Variants in TM9SF2 observed in about 807,000 individuals in gnomAD.
The protein encoded by TM9SF2 is transmembrane 9 superfamily member 2, also known as 76 kDa membrane protein.
TM9SF2 carries 13 observed loss-of-function variants against 84.9 expected under a neutral mutation model. The observed-to-expected ratio is 0.15, with a 90% CI of 0.10 to 0.24. TM9SF2 has a LOEUF of 0.24. Among genes scored for constraint, TM9SF2 ranks in the 10% least tolerant of loss-of-function variants. The probability of loss-of-function intolerance (pLI) is 1.00; values close to 1 mark genes in which losing one functional copy is unlikely to be tolerated. For synonymous variants in TM9SF2, 273 were observed against 285.8 expected (o/e 0.96, Z 0.45); for missense variants, 562 against 818.5 (o/e 0.69, Z 3.82).
intron 10 of TM9SF2, among the ~76,000 whole-genome samples, chr13:99,544,299 C>T (rs1196136723): frequency 6.0e-5 from 9 of 150,850 alleles, no homozygotes; most frequent in South Asian, 2.1e-4. Flanking sequence ...ACTGAGATTG[C>T]GCCACTGCAC....
intron 9 of TM9SF2, 51 bp downstream of exon 9, chr13:99,541,718 T>C: frequency 7.9e-7 from 1 of 1,258,852 alleles, no homozygotes; most frequent in Non-Finnish European, 1.1e-6. Context: ...TGTTTATTGT[T>C]ATTTTGCAAA....
rs922035291 is a variant in TM9SF2, at chr13:99,507,595, G to A, written c.171+5818G>A. Among the ~76,000 whole-genome samples the A allele has an allele frequency of 1.7e-4, 26 of 152,174 alleles. No homozygotes were observed. The East Asian group carries it at 2.9e-3, about 17-fold the overall frequency. On this transcript the variant is annotated intron_variant, in intron 1 of 16. Coordinates refer to ENST00000376387, the MANE Select transcript of TM9SF2 (RefSeq NM_004800.3). ...GATCAGTTGCTGGGCATTGCTGATC[G>A]GATAACTCAGAGCTCATAAATAAGC...
intron 1 of TM9SF2, among the ~76,000 whole-genome samples, chr13:99,515,661 T>C (rs561010926): frequency 2.0e-5 from 3 of 152,346 alleles, no homozygotes; most frequent in Admixed American, 6.5e-5. Context: ...TAGCATTTCA[T>C]GTGTCAGGCA....
chr13:99,504,715 T>C (rs756832597), intron 1 of TM9SF2, among the ~76,000 whole-genome samples: 1 of 152,238 alleles, frequency 6.6e-6, no homozygotes, highest in Admixed American at 6.5e-5. Context: ...TAACTTCTGA[T>C]TAATTTTCTT....
chr13:99,508,443 A>ACACACACACACACACACC (rs1311954976), intron 1 of TM9SF2, among the ~76,000 whole-genome samples: 182 of 147,530 alleles, frequency 1.2e-3, no homozygotes, highest in Non-Finnish European at 2.0e-3. Flanking sequence ...ACACACACAC[A>ACACACACACACACACACC]CCCCAGAGAT....
At chr13:99,540,213 G>A (rs1202703879) in intron 7 of TM9SF2, among the ~76,000 whole-genome samples, 1 of 151,808 alleles carries the variant, frequency 6.6e-6, no homozygotes, top group Non-Finnish European at 1.5e-5. Flanking sequence ...TAAAACTTTT[G>A]GCAATCCAAT....
At chr13:99,515,524 C>A (rs141575144) in intron 1 of TM9SF2, among the ~76,000 whole-genome samples, 3 of 152,170 alleles carry the variant, frequency 2.0e-5, no homozygotes, top group Admixed American at 1.3e-4. Flanking sequence ...ATGCTGTTGT[C>A]GGTATTACAT....
At position 99,541,542 on chromosome 13, in the gene TM9SF2, T is replaced by C. The variant is rs779717107; in HGVS notation, c.909-17T>C. 30 of 1,562,858 alleles carry C rather than the reference T, an allele frequency of 1.9e-5. No homozygotes were observed. The East Asian group carries it at 6.3e-4, about 33-fold the overall frequency. On this transcript the variant is annotated splice_polypyrimidine_tract_variant and intron_variant, in intron 8 of 16. Transcript: ENST00000376387. Reference sequence around the variant, plus strand: ...GGATTAAGCTACAGATTACTCATGATGTGCTTATTTCTACAGCATTATGAA... The same window carrying C: ...GGATTAAGCTACAGATTACTCATGACGTGCTTATTTCTACAGCATTATGAA...
chr13:99,504,535 T>G (rs930170629), intron 1 of TM9SF2, among the ~76,000 whole-genome samples: 4 of 152,234 alleles, frequency 2.6e-5, no homozygotes, highest in Non-Finnish European at 4.4e-5. Context: ...TAGAGTGTTT[T>G]TATGTACTGT....
intron 13 of TM9SF2, 56 bp downstream of exon 13, chr13:99,552,382 A>T (rs1170696779): frequency 3.0e-5 from 45 of 1,524,832 alleles, no homozygotes; most frequent in Non-Finnish European, 3.6e-5. Context: ...AAATTAGCAT[A>T]TGCCATCTCA....
intron 1 of TM9SF2, among the ~76,000 whole-genome samples, chr13:99,506,800 G>C (rs1029334746): frequency 1.3e-5 from 2 of 152,172 alleles, no homozygotes; most frequent in Non-Finnish European, 2.9e-5. Context: ...AGATTGGTCT[G>C]TGCACTGTCA....
chr13:99,556,547 C>A (rs1252819563), intron 15 of TM9SF2, among the ~76,000 whole-genome samples: 3 of 147,928 alleles, frequency 2.0e-5, no homozygotes, highest in African/African-American at 4.9e-5. Flanking sequence ...TTCATCATAT[C>A]ATGGCATGTA....
chr13:99,519,263 G>A (rs565041928), intron 2 of TM9SF2, among the ~76,000 whole-genome samples: 5 of 149,810 alleles, frequency 3.3e-5, no homozygotes, highest in Non-Finnish European at 4.4e-5. Context: ...GATCTGTGGA[G>A]AATCTTCATT....
intron 12 of TM9SF2, among the ~76,000 whole-genome samples, 165 bp from the exon 13 acceptor site, chr13:99,552,001 AT>A (rs1566573206): frequency 1.3e-5 from 2 of 152,240 alleles, no homozygotes; most frequent in East Asian, 3.8e-4. Context: ...CTGAAGAGCA[AT>A]TGGGTAGTTT....
At chr13:99,534,820 A>C (rs1414740689) in intron 4 of TM9SF2, among the ~76,000 whole-genome samples, 1 of 152,208 alleles carries the variant, frequency 6.6e-6, no homozygotes, top group African/African-American at 2.4e-5. Flanking sequence ...ATTTAAATAA[A>C]TACTACTTGT....
chr13:99,545,038 T>C (rs796381328), intron 10 of TM9SF2, among the ~76,000 whole-genome samples: 10 of 152,334 alleles, frequency 6.6e-5, no homozygotes, highest in African/African-American at 2.4e-4. Flanking sequence ...TTATTTAATG[T>C]ATTTTACTTT....
At chr13:99,514,850 T>C (rs2046127461) in intron 1 of TM9SF2, among the ~76,000 whole-genome samples, 1 of 152,252 alleles carries the variant, frequency 6.6e-6, no homozygotes, top group African/African-American at 2.4e-5. Context: ...GACATGGCTA[T>C]GTAATAGTAA....
chr13:99,531,813 A>C (rs1452818055), intron 4 of TM9SF2, among the ~76,000 whole-genome samples: 1 of 152,186 alleles, frequency 6.6e-6, no homozygotes, highest in East Asian at 1.9e-4. Context: ...CTAAACTACC[A>C]TAGAAATACT....
intron 3 of TM9SF2, 144 bp from the exon 4 acceptor site, chr13:99,529,323 T>C: frequency 1.6e-6 from 1 of 614,480 alleles, no homozygotes; most frequent in African/African-American, 1.9e-5. Context: ...GATTGAGCTA[T>C]GAGGAATTTA....
Sources: allele counts gnomAD v4.1 joint callset (sites outside exome capture counted in the v4.1 genomes callset), GRCh38; gene constraint gnomAD v4.1.1; transcripts MANE v1.5; gene names NCBI Gene and HGNC (gene_info 2026-07-23, HGNC 2026-07-21).